The following NEU3 variants were observed in gnomAD, a reference collection of about 807,000 sequenced individuals.
The protein encoded by NEU3 is sialidase-3.
NEU3 carries 10 observed loss-of-function variants against 11.4 expected under a neutral mutation model. The observed-to-expected ratio is 0.88, with a 90% CI of 0.54 to 1.49. The LOEUF is 1.49. NEU3 is among the 40% of genes most tolerant of loss of function. NEU3 has a pLI of 0.00. For missense variants in NEU3, 529 were observed against 581.8 expected (o/e 0.91, Z 0.93); for synonymous variants, 212 against 228.2 (o/e 0.93, Z 0.64).
At chr11:74,989,518 C>T (rs553673760) in intron 1 of NEU3, among the ~76,000 whole-genome samples, 3 of 152,198 alleles carry the variant, frequency 2.0e-5, no homozygotes, top group South Asian at 4.2e-4. Flanking sequence ...GCTTTGTCCC[C>T]ATCCCGGGCC....
At position 75,006,740 on chromosome 11, in the gene NEU3, T is replaced by C. The variant is rs1224738257; in HGVS notation, c.*248T>C. 5 of 472,870 alleles carry C rather than the reference T, an allele frequency of 1.1e-5. No individual in the cohort carries two copies. The East Asian group carries it at 1.5e-4, about 14-fold the overall frequency. The allele number at this position is 472,870 out of a possible 1,614,324, so 29.3% of individuals were successfully genotyped here. A position where few individuals can be genotyped will look rare whatever the true frequency, so the allele number is the denominator to read the frequency against. The stretch of plus-strand genomic sequence containing the variant: ...CTGGCTTGCTTTTGGACCTTGGATG[T>C]GTCACCTGAACTCTCTGGACCTCAG... On this transcript the variant is annotated 3_prime_UTR_variant, in exon 3 of 3. Coordinates refer to ENST00000294064, the MANE Select transcript of NEU3 (RefSeq NM_006656.6).
intron 2 of NEU3, among the ~76,000 whole-genome samples, chr11:74,996,465 C>A (rs1233360040): frequency 1.3e-5 from 2 of 152,148 alleles, no homozygotes; most frequent in African/African-American, 4.8e-5. Flanking sequence ...CATGAGATTG[C>A]AGCAATTTAG....
In NEU3 at chr11:75,009,805, T is replaced by C. The variant is rs1268326240; in HGVS notation, c.*3313T>C. On this transcript the variant is annotated 3_prime_UTR_variant, in exon 3 of 3. Coordinates refer to ENST00000294064, the MANE Select transcript of NEU3 (RefSeq NM_006656.6). ...ACTGGCTGGGTTCATGTTCTTACTA[T>C]TCACCTCAGGCCATTGTCTGGGTGC... 2 of 152,240 alleles carry C rather than the reference T, an allele frequency of 1.3e-5. No homozygotes were observed. Among genetic ancestry groups the C allele is most frequent in the Non-Finnish European group, 2.9e-5 (2 of 68,082 alleles). The allele number at this position is 152,240 out of a possible 1,614,324, so 9.4% of individuals were successfully genotyped here. A position where few individuals can be genotyped will look rare whatever the true frequency, so the allele number is the denominator to read the frequency against.
chr11:74,996,629 ATGAATGTTC>A (rs1948793327), intron 2 of NEU3, among the ~76,000 whole-genome samples: 1 of 152,214 alleles, frequency 6.6e-6, no homozygotes, highest in South Asian at 2.1e-4. Context: ...CCCATGAATC[ATGAATGTTC>A]TGAATGGCAT....
intron 2 of NEU3, among the ~76,000 whole-genome samples, chr11:75,003,717 C>CCGT (rs2140248348): frequency 6.6e-6 from 1 of 152,136 alleles, no homozygotes; most frequent in South Asian, 2.1e-4. Context: ...TGGTGAAACC[C>CCGT]CATCTCTACT....
rs1366099155 is a variant in NEU3 at position 74,989,187 on chromosome 11, G to A, written c.94+33G>A. The stretch of plus-strand genomic sequence containing the variant: ...GGGTTGGGAGACAGGAGAGCTCCCC[G>A]AGGAGGACTCAACTGTGGGGACAGG... On this transcript the variant is annotated intron_variant, in intron 1 of 2. Coordinates refer to ENST00000294064, the MANE Select transcript of NEU3 (RefSeq NM_006656.6). 16 of 1,508,286 alleles carry A rather than the reference G, an allele frequency of 1.1e-5. No homozygotes were observed. In the East Asian group the frequency reaches 1.2e-4, roughly 12 times the overall value. 93.4% of individuals were successfully genotyped at this position (1,508,286 alleles called of 1,614,324 possible).
At position 75,006,249 on chromosome 11, in the gene NEU3, C is replaced by T; in HGVS notation, c.1143C>T (p.Asn381=). The T allele has an allele frequency of 6.2e-7, 1 of 1,614,022 alleles. No homozygotes were observed. The highest frequency in any genetic ancestry group is 1.3e-5 in the African/African-American group (1 of 75,046). The change falls in exon 3 of 3, where the codon AAC becomes AAT. Residue 381 remains asparagine (N), a synonymous_variant. Transcript: ENST00000294064. The part of the protein sequence containing the change: ...KQRVDLGIYL[N]QTPLEAACWS... Reference sequence around the variant, plus strand: ...GGGTTGACCTAGGTATCTATCTCAACCAGACCCCCTTGGAGGCTGCCTGCT... The same window carrying T: ...GGGTTGACCTAGGTATCTATCTCAATCAGACCCCCTTGGAGGCTGCCTGCT...
chr11:74,993,839 C>T (rs1374337384), intron 1 of NEU3, among the ~76,000 whole-genome samples: 1 of 152,080 alleles, frequency 6.6e-6, no homozygotes. Flanking sequence ...TCTAGTTTTC[C>T]TCTTATAAAG....
intron 2 of NEU3, among the ~76,000 whole-genome samples, chr11:74,998,799 A>T (rs1948816727): frequency 6.6e-6 from 1 of 152,016 alleles, no homozygotes; most frequent in African/African-American, 2.4e-5. Flanking sequence ...TCTTCTCATG[A>T]GTCTTTCTCA....
the NEU3 span, among the ~76,000 whole-genome samples, chr11:74,981,245 G>C: frequency 6.6e-6 from 1 of 152,176 alleles, no homozygotes; most frequent in Non-Finnish European, 1.5e-5. Context: ...GGATTGAGTA[G>C]TTGTCAGGCT....
chr11:75,001,374 G>A (rs1948843133), intron 2 of NEU3, among the ~76,000 whole-genome samples: 1 of 151,088 alleles, frequency 6.6e-6, no homozygotes, highest in Non-Finnish European at 1.5e-5. Context: ...CTCCCTCCTG[G>A]GTTAAAGCAA....
At chr11:74,991,934 G>C (rs1948735898) in intron 1 of NEU3, among the ~76,000 whole-genome samples, 1 of 152,216 alleles carries the variant, frequency 6.6e-6, no homozygotes, top group African/African-American at 2.4e-5. Flanking sequence ...TACCCTTGCT[G>C]TTTCTGGAGC....
upstream of NEU3, among the ~76,000 whole-genome samples, chr11:74,983,414 A>G (rs1655775894): frequency 6.6e-6 from 1 of 152,236 alleles, no homozygotes; most frequent in African/African-American, 2.4e-5. Flanking sequence ...TTACTCCTGT[A>G]GTACTCAGGC....
At chr11:74,997,847 A>G (rs1365180784) in intron 2 of NEU3, among the ~76,000 whole-genome samples, 1 of 143,064 alleles carries the variant, frequency 7.0e-6, no homozygotes, top group Non-Finnish European at 1.5e-5. Flanking sequence ...TGGGTGACAA[A>G]GGGAGACTCT....
intron 2 of NEU3, among the ~76,000 whole-genome samples, chr11:75,003,209 G>T (rs181393649): frequency 3.3e-5 from 5 of 152,068 alleles, no homozygotes; most frequent in Non-Finnish European, 7.4e-5. Context: ...GCCCTTTAAG[G>T]TTCCATCTCA....
chr11:74,989,941 T>C, intron 1 of NEU3: 1 of 702,114 alleles, frequency 1.4e-6, no homozygotes, highest in Admixed American at 2.0e-5. Flanking sequence ...CCATATCTGA[T>C]TATTTTCTAT....
In NEU3 at chr11:75,009,050, G is replaced by A. The variant is rs1948929244; in HGVS notation, c.*2558G>A. Reference sequence around the variant, plus strand: ...GCATCGAAACTCTTTAAATGGGGCAGGCCTGTGTTCTTATCTCAGGAATAG... The same window carrying A: ...GCATCGAAACTCTTTAAATGGGGCAAGCCTGTGTTCTTATCTCAGGAATAG... On this transcript the variant is annotated 3_prime_UTR_variant, in exon 3 of 3. Transcript: ENST00000294064. 1 of 152,212 alleles carries A rather than the reference G, an allele frequency of 6.6e-6. No homozygotes were observed. Among genetic ancestry groups the A allele is most frequent in the African/African-American group, 2.4e-5 (1 of 41,438 alleles). The allele number at this position is 152,212 out of a possible 1,614,324, so 9.4% of individuals were successfully genotyped here. A position where few individuals can be genotyped will look rare whatever the true frequency, so the allele number is the denominator to read the frequency against.
intron 3 of NEU3, among the ~76,000 whole-genome samples, chr11:75,017,836 G>C (rs1375721048): frequency 2.0e-5 from 3 of 152,154 alleles, no homozygotes; most frequent in African/African-American, 7.2e-5. Flanking sequence ...CTGGTCTTTG[G>C]GGTAGGAATT....
chr11:74,988,820 G>A, upstream of NEU3: 1 of 535,102 alleles, frequency 1.9e-6, no homozygotes, highest in South Asian at 2.2e-5. Context: ...GGGAGGGGCA[G>A]CGCCGAGGGG....
Sources: allele counts gnomAD v4.1 joint callset (sites outside exome capture counted in the v4.1 genomes callset), GRCh38; gene constraint gnomAD v4.1.1; transcripts MANE v1.5; gene names NCBI Gene and HGNC (gene_info 2026-07-23, HGNC 2026-07-21).